SVOP: variants seen among roughly 807,000 people sequenced by gnomAD.
The protein encoded by SVOP is SV2 related protein.
In SVOP, 17 loss-of-function variants were observed where a neutral mutation model predicts 69.1. The observed-to-expected ratio is 0.25, with a 90% CI of 0.17 to 0.37. The LOEUF (loss-of-function observed/expected upper bound fraction) is 0.37. SVOP is among the 10% of genes least tolerant of loss of function. The pLI is 1.00. For missense variants in SVOP, 435 were observed against 597.5 expected, an observed-to-expected ratio of 0.73 and a Z score of 2.84; for synonymous variants, 238 against 238.6, an observed-to-expected ratio of 1.00 and a Z score of 0.02.
chr12:109,004,572 A>AT (rs570106108), intron 1 of SVOP, among the ~76,000 whole-genome samples: 101 of 150,418 alleles, frequency 6.7e-4, no homozygotes, highest in African/African-American at 1.7e-3. Flanking sequence ...TGCTCAGCAT[A>AT]TTTTTTTTTA....
rs368639033 is a variant in SVOP, at chr12:109,020,937, G to A, written c.-69C>T. 4 of 699,892 alleles carry A rather than the reference G, an allele frequency of 5.7e-6. No individual in the cohort carries two copies. The highest frequency in any genetic ancestry group is 3.0e-5 in the South Asian group (2 of 65,586). The allele number at this position is 699,892 out of a possible 1,614,324, so 43.4% of individuals were successfully genotyped here. Reference sequence around the variant, plus strand: ...GGTAGTGGTGGATGACGAGCCCTCCGGTTTTCAGCACCGGGAAGCTGGACA... The same window carrying A: ...GGTAGTGGTGGATGACGAGCCCTCCAGTTTTCAGCACCGGGAAGCTGGACA... On this transcript the variant is annotated 5_prime_UTR_variant, in exon 1 of 16. Coordinates refer to ENST00000610966, the MANE Select transcript of SVOP (RefSeq NM_018711.5).
intron 1 of SVOP, among the ~76,000 whole-genome samples, chr12:108,994,891 C>A (rs1298737217): frequency 6.6e-6 from 1 of 152,190 alleles, no homozygotes; most frequent in Non-Finnish European, 1.5e-5. Context: ...AATCTCAGCA[C>A]TTTGGGAGGC....
chr12:108,953,667 A>G (rs2039969415), intron 6 of SVOP, among the ~76,000 whole-genome samples: 1 of 152,250 alleles, frequency 6.6e-6, no homozygotes, highest in African/African-American at 2.4e-5. Flanking sequence ...AGCCATTTTT[A>G]TAACTAGATA....
intron 5 of SVOP, among the ~76,000 whole-genome samples, chr12:108,971,388 G>A (rs544074576): frequency 3.4e-5 from 5 of 146,180 alleles, no homozygotes; most frequent in African/African-American, 1.3e-4. Flanking sequence ...AAGATCGTGC[G>A]ATTGCACTCC....
chr12:108,938,240 G>A (rs552366629), intron 9 of SVOP, among the ~76,000 whole-genome samples: 21 of 152,254 alleles, frequency 1.4e-4, no homozygotes, highest in African/African-American at 2.6e-4. Context: ...TTCTTCAATC[G>A]GCTTGGATGG....
intron 1 of SVOP, among the ~76,000 whole-genome samples, chr12:109,011,290 G>A (rs1322688849): frequency 6.6e-6 from 1 of 152,098 alleles, no homozygotes; most frequent in East Asian, 1.9e-4. Flanking sequence ...AAGCTGGCTG[G>A]CATAAAATGT....
chr12:108,938,979 C>A lies in SVOP; in HGVS notation c.769-24G>T, dbSNP rs199680008. 1.3e-3 allele frequency: 2,057 copies of A among 1,613,758 alleles called. 5 individuals carry two copies. The highest frequency in any genetic ancestry group is 1.6e-3 in the Non-Finnish European group (1,918 of 1,179,770). ...CACTGGGATGGGGGAGACAGGAAAC[C>A]CAGGCGTGGCTGGTTAGGGTGGAAC... On this transcript the variant is annotated intron_variant, in intron 8 of 15. Coordinates refer to ENST00000610966, the MANE Select transcript of SVOP (RefSeq NM_018711.5).
intron 11 of SVOP, among the ~76,000 whole-genome samples, chr12:108,933,085 G>T (rs1434082107): frequency 6.6e-6 from 1 of 151,842 alleles, no homozygotes; most frequent in Non-Finnish European, 1.5e-5. Flanking sequence ...TGTCATGTTG[G>T]CCAGGCTGGT....
At chr12:108,934,532 T>G (rs1268395635) in intron 10 of SVOP, among the ~76,000 whole-genome samples, 3 of 152,148 alleles carry the variant, frequency 2.0e-5, no homozygotes, top group African/African-American at 7.2e-5. Flanking sequence ...CACCTCCATC[T>G]TGAATAGGGG....
chr12:108,956,044 TA>T (rs1305077135), intron 6 of SVOP, among the ~76,000 whole-genome samples: 2 of 152,248 alleles, frequency 1.3e-5, no homozygotes, highest in East Asian at 3.9e-4. Context: ...CTCACGCCTG[TA>T]ATCCCAGCAC....
At chr12:109,001,385 A>G (rs1231044454) in intron 1 of SVOP, among the ~76,000 whole-genome samples, 3 of 151,306 alleles carry the variant, frequency 2.0e-5, no homozygotes, top group Non-Finnish European at 3.0e-5. Context: ...CATACTGCCC[A>G]AGGTAATTTA....
At chr12:108,970,275 G>A (rs2040070957) in intron 5 of SVOP, among the ~76,000 whole-genome samples, 1 of 152,154 alleles carries the variant, frequency 6.6e-6, no homozygotes, top group Admixed American at 6.5e-5. Context: ...CTTAGAATGA[G>A]CAAGACCTGA....
intron 10 of SVOP, 125 bp downstream of exon 10, chr12:108,937,139 G>A (rs10861986): frequency 0.25 from 213,437 of 859,510 alleles, 32,015 homozygotes; most frequent in East Asian, 0.48. Flanking sequence ...GATGATGTTC[G>A]AACTACTGAA....
chr12:108,921,035 T>C (rs1440867153), intron 12 of SVOP, among the ~76,000 whole-genome samples: 1 of 152,146 alleles, frequency 6.6e-6, no homozygotes, highest in Non-Finnish European at 1.5e-5. Context: ...TCCAGGAGGT[T>C]GGGGCACATT....
rs2040047209 is a variant in SVOP at position 108,966,618 on chromosome 12, G to A, written c.454-5571C>T. On this transcript the variant is annotated intron_variant, in intron 5 of 15. Transcript: ENST00000610966. ...AGTCTGATCTGTCCTTCCTGAGGTTGGGCCAGAATTCCATGCTGGGGAGGA... is the reference window on the plus strand; with the variant it reads ...AGTCTGATCTGTCCTTCCTGAGGTTAGGCCAGAATTCCATGCTGGGGAGGA... Among the ~76,000 whole-genome samples, 2 of 152,098 alleles carry A rather than the reference G, an allele frequency of 1.3e-5. 1 individual carries two copies. The highest frequency in any genetic ancestry group is 4.2e-4 in the South Asian group (2 of 4,818).
Position 108,912,244 on chromosome 12 carries a change from C to T in SVOP, c.*291G>A, listed in dbSNP as rs2039688826. 1 of 1,279,612 alleles carries T rather than the reference C, an allele frequency of 7.8e-7. No homozygotes were observed. Among genetic ancestry groups the T allele is most frequent in the Non-Finnish European group, 9.9e-7 (1 of 1,009,302 alleles). 79.3% of individuals were successfully genotyped at this position (1,279,612 alleles called of 1,614,324 possible). A position where few individuals can be genotyped will look rare whatever the true frequency, so the allele number is the denominator to read the frequency against. On this transcript the variant is annotated 3_prime_UTR_variant, in exon 16 of 16. Transcript: ENST00000610966. ...ACTCTGGGTGGTGTCTGATTGGTTGCTGGCATTACCAGACCCTCCTAATAT... is the reference window on the plus strand; with the variant it reads ...ACTCTGGGTGGTGTCTGATTGGTTGTTGGCATTACCAGACCCTCCTAATAT...
chr12:108,944,927 T>C (rs2039913935), intron 7 of SVOP, among the ~76,000 whole-genome samples, 176 bp downstream of exon 7: 1 of 152,220 alleles, frequency 6.6e-6, no homozygotes, highest in South Asian at 2.1e-4. Context: ...GAATTTGTCC[T>C]TATTGCAAAA....
intron 6 of SVOP, among the ~76,000 whole-genome samples, chr12:108,946,449 G>A (rs1347017957): frequency 6.6e-6 from 1 of 151,808 alleles, no homozygotes; most frequent in African/African-American, 2.4e-5. Context: ...TTTATTAGTT[G>A]ACATTCAACT....
intron 1 of SVOP, among the ~76,000 whole-genome samples, chr12:108,998,075 AG>A (rs1447466399): frequency 6.6e-6 from 1 of 151,904 alleles, no homozygotes; most frequent in African/African-American, 2.4e-5. Flanking sequence ...AAAATTTAGA[AG>A]AACGTATAAC....
Sources: allele counts gnomAD v4.1 joint callset (sites outside exome capture counted in the v4.1 genomes callset), GRCh38; gene constraint gnomAD v4.1.1; transcripts MANE v1.5; gene names NCBI Gene and HGNC (gene_info 2026-07-23, HGNC 2026-07-21).